The following SNX9 variants were observed in gnomAD, a reference collection of about 807,000 sequenced individuals.
SNX9 encodes sorting nexin-9.
In SNX9, 44 loss-of-function variants were observed where a neutral mutation model predicts 89.4. That is an observed-to-expected ratio of 0.49 (90% CI 0.39 to 0.63). The LOEUF (loss-of-function observed/expected upper bound fraction) is 0.63, where lower values mean the gene tolerates loss of function less well. Among genes scored for constraint, SNX9 ranks in the 30% least tolerant of loss-of-function variants. The probability of loss-of-function intolerance (pLI) is 0.00; values close to 1 mark genes in which losing one functional copy is unlikely to be tolerated. For synonymous variants in SNX9, 236 were observed against 247.8 expected (o/e 0.95, Z 0.45); for missense variants, 578 against 736.1 (o/e 0.79, Z 2.49).
intron 1 of SNX9, among the ~76,000 whole-genome samples, chr6:157,853,215 T>C (rs1781946241): frequency 6.6e-6 from 1 of 152,150 alleles, no homozygotes. Flanking sequence ...ATGTTTTTGC[T>C]GGGTATAGAA....
At chr6:157,906,257 T>C in intron 7 of SNX9, 45 bp downstream of exon 7, 1 of 1,456,724 alleles carries the variant, frequency 6.9e-7, no homozygotes, top group Non-Finnish European at 9.5e-7. Context: ...ATTAAGCTCT[T>C]TCTTATACCG....
intron 4 of SNX9, among the ~76,000 whole-genome samples, chr6:157,896,488 T>C (rs1218227786): frequency 6.6e-6 from 1 of 152,110 alleles, no homozygotes; most frequent in South Asian, 2.1e-4. Flanking sequence ...AAAACACACA[T>C]AGGAATGGAT....
At chr6:157,864,765 C>A (rs746237743) in intron 1 of SNX9, among the ~76,000 whole-genome samples, 1 of 152,196 alleles carries the variant, frequency 6.6e-6, no homozygotes, top group African/African-American at 2.4e-5. Flanking sequence ...CATGGTGGCT[C>A]ACACCTGTAA....
At chr6:157,842,235 A>G (rs1282444070) in intron 1 of SNX9, among the ~76,000 whole-genome samples, 2 of 152,356 alleles carry the variant, frequency 1.3e-5, no homozygotes, top group East Asian at 3.9e-4. Context: ...GAACAGTGCC[A>G]TCTCTTACTG....
At position 157,944,790 on chromosome 6, in the gene SNX9, A is replaced by C. The variant is rs1784108899; in HGVS notation, c.*1952A>C. ...TTTGACTGGTGTGAGGCAAAGTGAAAAAGGGATGGGGGAAATGGAGATGGC... is the reference window on the plus strand; with the variant it reads ...TTTGACTGGTGTGAGGCAAAGTGAACAAGGGATGGGGGAAATGGAGATGGC... On this transcript the variant is annotated 3_prime_UTR_variant, in exon 18 of 18. Coordinates refer to ENST00000392185, the MANE Select transcript of SNX9 (RefSeq NM_016224.5). 6.6e-6 allele frequency: 1 copy of C among 152,238 alleles called. No homozygotes were observed. Among genetic ancestry groups the C allele is most frequent in the Non-Finnish European group, 1.5e-5 (1 of 68,046 alleles). The allele number at this position is 152,238 out of a possible 1,614,324, so 9.4% of individuals were successfully genotyped here.
At chr6:157,861,769 G>A (rs753777599) in intron 1 of SNX9, among the ~76,000 whole-genome samples, 1 of 152,082 alleles carries the variant, frequency 6.6e-6, no homozygotes, top group Non-Finnish European at 1.5e-5. Context: ...CTATGACAAA[G>A]TTAATTTATA....
chr6:157,854,834 G>A (rs1220229599), intron 1 of SNX9, among the ~76,000 whole-genome samples: 3 of 151,778 alleles, frequency 2.0e-5, no homozygotes, highest in Non-Finnish European at 4.4e-5. Context: ...GTTATAATCA[G>A]GGAAGCATTC....
chr6:157,896,740 G>T (rs1782984645), intron 4 of SNX9, 87 bp from the exon 5 acceptor site: 1 of 1,385,028 alleles, frequency 7.2e-7, no homozygotes, highest in Admixed American at 2.0e-5. Flanking sequence ...TACTCCTGTT[G>T]TATTCAATTG....
chr6:157,887,579 C>G (rs1178226128), intron 4 of SNX9, among the ~76,000 whole-genome samples: 1 of 152,142 alleles, frequency 6.6e-6, no homozygotes, highest in African/African-American at 2.4e-5. Context: ...TGAATGGGCA[C>G]TTGTGGGCTT....
At position 157,929,427 on chromosome 6, in the gene SNX9, C is replaced by T. The variant is rs142288579; in HGVS notation, c.1288+725C>T. 8.6e-4 allele frequency among the ~76,000 whole-genome samples: 131 copies of T among 152,340 alleles called. 5 individuals are homozygous for T. In the South Asian group the frequency reaches 0.02, roughly 23 times the overall value. On this transcript the variant is annotated intron_variant, in intron 12 of 17. Transcript: ENST00000392185. Reference sequence around the variant, plus strand: ...CAGGCCCTGAAATGCTGCGACTGCACTGCTGTCCCATGCGCAGATGCCTTT... The same window carrying T: ...CAGGCCCTGAAATGCTGCGACTGCATTGCTGTCCCATGCGCAGATGCCTTT...
chr6:157,859,216 C>T (rs1467286772), intron 1 of SNX9, among the ~76,000 whole-genome samples: 2 of 152,206 alleles, frequency 1.3e-5, no homozygotes, highest in Non-Finnish European at 2.9e-5. Flanking sequence ...GTCACTTCCA[C>T]TTGTGTTATC....
intron 1 of SNX9, among the ~76,000 whole-genome samples, chr6:157,848,882 T>C (rs1193957283): frequency 1.3e-5 from 2 of 152,240 alleles, no homozygotes; most frequent in African/African-American, 4.8e-5. Flanking sequence ...ACATCTAAGC[T>C]GAGACCTGAA....
intron 1 of SNX9, 96 bp from the exon 2 acceptor site, chr6:157,867,451 G>T: frequency 1.1e-6 from 1 of 935,476 alleles, no homozygotes; most frequent in East Asian, 2.6e-5. Flanking sequence ...TATCATGTTT[G>T]TACCAGCATG....
intron 1 of SNX9, among the ~76,000 whole-genome samples, chr6:157,851,255 C>CAA (rs770815228): frequency 1.1e-5 from 1 of 89,182 alleles, no homozygotes; most frequent in Non-Finnish European, 2.4e-5. Flanking sequence ...AAGATGGTCT[C>CAA]AAAAAAAAAA....
chr6:157,938,411 C>T (rs1783968970), intron 15 of SNX9, among the ~76,000 whole-genome samples: 1 of 152,198 alleles, frequency 6.6e-6, no homozygotes, highest in African/African-American at 2.4e-5. Flanking sequence ...TAGCATAAAA[C>T]TGTTCATTTT....
rs1417902817 is a variant in SNX9 at position 157,932,137 on chromosome 6, T to A, written c.1289-58T>A. On this transcript the variant is annotated intron_variant, in intron 12 of 17. Coordinates refer to ENST00000392185, the MANE Select transcript of SNX9 (RefSeq NM_016224.5). ...TACTGTAATCACTTTTAGGAAATAGTTTAATCCCATTTCAGTTTGCTCAGA... is the reference window on the plus strand; with the variant it reads ...TACTGTAATCACTTTTAGGAAATAGATTAATCCCATTTCAGTTTGCTCAGA... 2.7e-6 allele frequency: 4 copies of A among 1,457,034 alleles called. No individual in the cohort carries two copies. The African/African-American group carries it at 5.6e-5, about 20-fold the overall frequency. The allele number at this position is 1,457,034 out of a possible 1,614,324, so 90.3% of individuals were successfully genotyped here. A position where few individuals can be genotyped will look rare whatever the true frequency, so the allele number is the denominator to read the frequency against.
intron 9 of SNX9, among the ~76,000 whole-genome samples, chr6:157,911,460 A>T (rs987338667): frequency 6.6e-6 from 1 of 152,246 alleles, no homozygotes; most frequent in Non-Finnish European, 1.5e-5. Context: ...CTTCACAGCC[A>T]GGTGGCAGTG....
At chr6:157,888,779 G>A (rs925510057) in intron 4 of SNX9, among the ~76,000 whole-genome samples, 1 of 152,118 alleles carries the variant, frequency 6.6e-6, no homozygotes, top group Admixed American at 6.5e-5. Flanking sequence ...CTCTTCTTGG[G>A]GCATGGTGAT....
chr6:157,939,763 G>A (rs1340071450), intron 16 of SNX9, among the ~76,000 whole-genome samples: 1 of 152,150 alleles, frequency 6.6e-6, no homozygotes, highest in Admixed American at 6.5e-5. Context: ...TTGTGTTTGA[G>A]GTTATCCAAA....
Sources: gnomAD v4.1 joint callset for allele counts (sites outside exome capture counted in the v4.1 genomes callset) on GRCh38, gnomAD v4.1.1 for gene constraint, MANE v1.5 for transcripts, NCBI Gene and HGNC (gene_info 2026-07-23, HGNC 2026-07-21) for gene names.